The following NALF1 variants were observed in gnomAD, a reference collection of about 807,000 sequenced individuals.
The protein encoded by NALF1 is family with sequence similarity 155 member A.
NALF1 carries 3 observed loss-of-function variants against 48.4 expected under a neutral mutation model. The observed-to-expected ratio is 0.06, with a 90% confidence interval of 0.03 to 0.16. The LOEUF (loss-of-function observed/expected upper bound fraction) is 0.16. Ranked by LOEUF, NALF1 falls within the 10% of genes least tolerant of loss-of-function variation. The pLI is 1.00. For missense variants in NALF1, 526 were observed against 571.5 expected (o/e 0.92, Z 0.81); for synonymous variants, 262 against 245.7 (o/e 1.07, Z -0.62).
chr13:107,564,037 T>C (rs1877718860), intron 1 of NALF1, among the ~76,000 whole-genome samples: 4 of 152,168 alleles, frequency 2.6e-5, no homozygotes. Flanking sequence ...GAGAGCAGCA[T>C]TTTCCAAACT....
chr13:107,544,351 C>A (rs1465708424), intron 1 of NALF1, among the ~76,000 whole-genome samples: 4 of 152,060 alleles, frequency 2.6e-5, no homozygotes, highest in Non-Finnish European at 5.9e-5. Flanking sequence ...GCCATATATT[C>A]CCAGTTCAGA....
intron 1 of NALF1, among the ~76,000 whole-genome samples, chr13:107,384,459 T>C (rs1027080282): frequency 2.0e-5 from 3 of 152,204 alleles, no homozygotes; most frequent in Admixed American, 1.3e-4. Context: ...AATTACTCCT[T>C]CAAAGTTTTA....
At chr13:107,421,078 T>C (rs762418417) in intron 1 of NALF1, among the ~76,000 whole-genome samples, 1 of 152,194 alleles carries the variant, frequency 6.6e-6, no homozygotes, top group Non-Finnish European at 1.5e-5. Context: ...GCACTTCAAA[T>C]ATGGAAAGAA....
chr13:107,626,822 A>T (rs1386871133), intron 1 of NALF1, among the ~76,000 whole-genome samples: 1 of 152,014 alleles, frequency 6.6e-6, no homozygotes, highest in African/African-American at 2.4e-5. Context: ...AAATGACATA[A>T]ATGTATTCAT....
At chr13:107,728,223 A>C (rs1876212411) in intron 1 of NALF1, among the ~76,000 whole-genome samples, 1 of 152,224 alleles carries the variant, frequency 6.6e-6, no homozygotes, top group African/African-American at 2.4e-5. Context: ...CTATAAAGAC[A>C]CATGCCCATG....
chr13:107,295,190 T>C (rs896545441), intron 1 of NALF1, among the ~76,000 whole-genome samples: 5 of 152,160 alleles, frequency 3.3e-5, no homozygotes, highest in Admixed American at 1.3e-4. Context: ...CATCTTTGTG[T>C]CCAGGTGTAC....
chr13:107,522,771 T>C (rs1876288794), intron 1 of NALF1, among the ~76,000 whole-genome samples: 1 of 150,858 alleles, frequency 6.6e-6, no homozygotes, highest in East Asian at 1.9e-4. Context: ...GCTCGACTAA[T>C]TTTTCTTTTT....
At chr13:107,617,277 AAGAGGG>A (rs1305907743) in intron 1 of NALF1, among the ~76,000 whole-genome samples, 2 of 152,142 alleles carry the variant, frequency 1.3e-5, no homozygotes, top group African/African-American at 4.8e-5. Flanking sequence ...CTGTTTTGTG[AAGAGGG>A]AGAGGGAGAG....
At chr13:107,548,231 T>C (rs745398879) in intron 1 of NALF1, among the ~76,000 whole-genome samples, 1 of 152,138 alleles carries the variant, frequency 6.6e-6, no homozygotes, top group Admixed American at 6.5e-5. Flanking sequence ...TATTTGGTTT[T>C]TTCTTCCTGT....
Position 107,770,342 on chromosome 13 carries a change from G to A in NALF1, c.915+95340C>T, listed in dbSNP as rs138283777. ...TAGTTGTTTAGTTCTCCTTGAAAGT[G>A]TAGATGAGGGGTAAAAGGTCAACTC... On this transcript the variant is annotated intron_variant, in intron 1 of 2. Transcript: ENST00000375915. Among the ~76,000 whole-genome samples the A allele has an allele frequency of 5.3e-5, 8 of 152,310 alleles. No homozygotes were observed. In the East Asian group the frequency reaches 1.3e-3, roughly 26 times the overall value.
chr13:107,179,026 AAGG>A (rs1194756015), intron 2 of NALF1, among the ~76,000 whole-genome samples: 2 of 152,138 alleles, frequency 1.3e-5, no homozygotes, highest in African/African-American at 2.4e-5. Context: ...TGTCCACAGA[AAGG>A]AGATCAGGAT....
intron 1 of NALF1, among the ~76,000 whole-genome samples, chr13:107,709,230 A>T (rs1875496276): frequency 6.6e-6 from 1 of 152,178 alleles, no homozygotes; most frequent in Admixed American, 6.5e-5. Flanking sequence ...TCACAGGTCA[A>T]CTCAATTTCA....
At chr13:107,703,973 C>G (rs149678090) in intron 1 of NALF1, among the ~76,000 whole-genome samples, 217 of 149,970 alleles carry the variant, frequency 1.4e-3, no homozygotes, top group African/African-American at 4.9e-3. Flanking sequence ...TCCTCTTACT[C>G]TTATTAATAG....
chr13:107,757,588 ATC>A (rs1365731503), intron 1 of NALF1, among the ~76,000 whole-genome samples: 1 of 152,096 alleles, frequency 6.6e-6, no homozygotes, highest in Non-Finnish European at 1.5e-5. Context: ...ATCCCAAAAT[ATC>A]TGTTTCTATT....
chr13:107,567,487 T>C (rs923537143), intron 1 of NALF1, among the ~76,000 whole-genome samples: 2 of 152,366 alleles, frequency 1.3e-5, no homozygotes, highest in East Asian at 1.9e-4. Flanking sequence ...CTTTTCACTT[T>C]GAAATAAATA....
chr13:107,303,401 A>G (rs564792137), intron 1 of NALF1, among the ~76,000 whole-genome samples: 13 of 152,238 alleles, frequency 8.5e-5, no homozygotes, highest in Non-Finnish European at 1.8e-4. Flanking sequence ...TAGATATATT[A>G]TATTTCAGCC....
chr13:107,796,697 A>C (rs1165415160), intron 1 of NALF1, among the ~76,000 whole-genome samples: 1 of 151,950 alleles, frequency 6.6e-6, no homozygotes, highest in Non-Finnish European at 1.5e-5. Flanking sequence ...ATCATAAAAT[A>C]CCTCCCTGCT....
chr13:107,188,280 A>G (rs900349749), intron 2 of NALF1, among the ~76,000 whole-genome samples: 2 of 152,218 alleles, frequency 1.3e-5, no homozygotes, highest in East Asian at 3.8e-4. Flanking sequence ...ACAAAAAATT[A>G]AAAACATCAT....
chr13:107,285,121 G>A (rs889826174), intron 1 of NALF1, among the ~76,000 whole-genome samples: 2 of 152,146 alleles, frequency 1.3e-5, no homozygotes, highest in Non-Finnish European at 2.9e-5. Flanking sequence ...CTTTGAAATA[G>A]ATTTATGTTA....
Sources: allele counts gnomAD v4.1 joint callset (sites outside exome capture counted in the v4.1 genomes callset), GRCh38; gene constraint gnomAD v4.1.1; transcripts MANE v1.5; gene names NCBI Gene and HGNC (gene_info 2026-07-23, HGNC 2026-07-21).